Variants in RIC8B observed in about 807,000 individuals in gnomAD.
RIC8B encodes the protein chaperone Ric-8B.
In RIC8B, 16 loss-of-function variants were observed where a neutral mutation model predicts 57.5. The observed-to-expected ratio is 0.28, with a 90% CI of 0.19 to 0.42. The LOEUF is 0.42. RIC8B is among the 10% of genes least tolerant of loss of function. The pLI, the probability that RIC8B is intolerant of heterozygous loss-of-function variation, is 1.00. For missense variants in RIC8B, 481 were observed against 677.0 expected (o/e 0.71, Z 3.21); for synonymous variants, 216 against 250.8 (o/e 0.86, Z 1.31).
At chr12:106,795,671 G>T (rs2044447093) in intron 2 of RIC8B, among the ~76,000 whole-genome samples, 1 of 152,134 alleles carries the variant, frequency 6.6e-6, no homozygotes, top group Admixed American at 6.5e-5. Context: ...CCACCATCTT[G>T]AATATGATTG....
chr12:106,828,959 T>G (rs187641672), intron 4 of RIC8B, among the ~76,000 whole-genome samples: 1 of 152,032 alleles, frequency 6.6e-6, no homozygotes, highest in African/African-American at 2.4e-5. Context: ...AGGAGAAAAG[T>G]AGGTTAAAAA....
chr12:106,785,801 CTCTCTCTCTCTCTG>C (rs1383864015), intron 2 of RIC8B, among the ~76,000 whole-genome samples: 26 of 125,622 alleles, frequency 2.1e-4, no homozygotes, highest in Non-Finnish European at 3.8e-4. Flanking sequence ...CTCTCTCTCT[CTCTCTCTCTCTCTG>C]TGTGTGTGTG....
At chr12:106,836,482 T>A (rs1310600360) in intron 4 of RIC8B, among the ~76,000 whole-genome samples, 1 of 152,152 alleles carries the variant, frequency 6.6e-6, no homozygotes, top group Non-Finnish European at 1.5e-5. Flanking sequence ...CCTAAAAAGC[T>A]TCTTCTCTTG....
intron 2 of RIC8B, among the ~76,000 whole-genome samples, chr12:106,789,811 G>A (rs10861663): frequency 0.35 from 52,621 of 151,744 alleles, 9,170 homozygotes; most frequent in South Asian, 0.38. Context: ...CAACTACTTA[G>A]TAACAGCGGG....
chr12:106,783,992 C>G lies in RIC8B; in HGVS notation c.85-5C>G. 6.2e-7 allele frequency: 1 copy of G among 1,611,908 alleles called. No individual in the cohort carries two copies. The highest frequency in any genetic ancestry group is 8.5e-7 in the Non-Finnish European group (1 of 1,179,082). On this transcript the variant is annotated splice_region_variant and splice_polypyrimidine_tract_variant and intron_variant, in intron 1 of 9. Coordinates refer to ENST00000392837, the MANE Select transcript of RIC8B (RefSeq NM_001330145.2). ...ATGACATTGTTTCCCTTTTTTCCCC[C>G]TCAGCATAGGGCTACTTTCAAATTT...
chr12:106,819,552 G>A (rs1421594551), intron 3 of RIC8B, among the ~76,000 whole-genome samples: 2 of 152,076 alleles, frequency 1.3e-5, no homozygotes, highest in East Asian at 3.9e-4. Context: ...AGGAGTTTGA[G>A]ACCAGCCTGG....
At chr12:106,804,415 A>G (rs1204143420) in intron 2 of RIC8B, among the ~76,000 whole-genome samples, 4 of 152,056 alleles carry the variant, frequency 2.6e-5, no homozygotes, top group Admixed American at 6.5e-5. Context: ...GGGTTTCACC[A>G]TGTTGGCCAG....
At chr12:106,787,076 G>A (rs936190141) in intron 2 of RIC8B, among the ~76,000 whole-genome samples, 1 of 152,086 alleles carries the variant, frequency 6.6e-6, no homozygotes, top group Non-Finnish European at 1.5e-5. Flanking sequence ...TTCCAATAGG[G>A]TAGTAGAAAA....
At chr12:106,875,813 A>G (rs1157060027) in intron 9 of RIC8B, among the ~76,000 whole-genome samples, 1 of 152,074 alleles carries the variant, frequency 6.6e-6, no homozygotes, top group Non-Finnish European at 1.5e-5. Flanking sequence ...GTCATTGTGT[A>G]CTATTTGGAA....
At chr12:106,836,563 T>G (rs1566110912) in intron 4 of RIC8B, among the ~76,000 whole-genome samples, 1 of 152,234 alleles carries the variant, frequency 6.6e-6, no homozygotes, top group African/African-American at 2.4e-5. Context: ...TTAGATTCTC[T>G]CACACTCCAC....
At chr12:106,874,446 A>C (rs1566174610) in intron 9 of RIC8B, 1 of 1,489,608 alleles carries the variant, frequency 6.7e-7, no homozygotes, top group Non-Finnish European at 9.2e-7. Flanking sequence ...TGGCCAATGA[A>C]TGGACACTAG....
At chr12:106,869,367 A>G (rs1263508577) in intron 8 of RIC8B, among the ~76,000 whole-genome samples, 1 of 152,164 alleles carries the variant, frequency 6.6e-6, no homozygotes, top group East Asian at 1.9e-4. Context: ...AACTTGCCCA[A>G]CCGAAAGTCT....
At chr12:106,786,307 G>A (rs1168883003) in intron 2 of RIC8B, among the ~76,000 whole-genome samples, 6 of 151,804 alleles carry the variant, frequency 4.0e-5, no homozygotes, top group East Asian at 1.9e-4. Context: ...CCGCAACCAC[G>A]CCCAGCTAAT....
chr12:106,809,522 C>CAAAAAAAA (rs201411394), intron 2 of RIC8B, among the ~76,000 whole-genome samples: 2 of 105,548 alleles, frequency 1.9e-5, no homozygotes, highest in African/African-American at 3.5e-5. Flanking sequence ...ACTCTTGTCT[C>CAAAAAAAA]AAAAAAAAAA....
chr12:106,789,623 C>T (rs541832712), intron 2 of RIC8B, among the ~76,000 whole-genome samples: 114 of 152,190 alleles, frequency 7.5e-4, no homozygotes, highest in African/African-American at 2.6e-3. Context: ...TTCATTACCA[C>T]GAGAACAGTA....
chr12:106,871,055 A>G, intron 9 of RIC8B, 113 bp downstream of exon 9: 1 of 1,107,754 alleles, frequency 9.0e-7, no homozygotes, highest in Non-Finnish European at 1.3e-6. Flanking sequence ...GTTGATTGGA[A>G]TAGGGTGGCC....
In RIC8B at chr12:106,843,830, CAT is replaced by C. The variant is rs746465922; in HGVS notation, c.1066-19_1066-18del. ...AAACAAAACTAACGTATTTCAAAAA[CAT>C]ATGGTTTTTTTTTTTATAGGGAAGC... is the stretch of plus-strand genomic sequence containing the variant. On this transcript the variant is annotated intron_variant, in intron 5 of 9. Coordinates refer to ENST00000392837, the MANE Select transcript of RIC8B (RefSeq NM_001330145.2). 12 of 1,506,740 alleles carry C rather than the reference CAT, an allele frequency of 8.0e-6. No individual in the cohort carries two copies. The highest frequency in any genetic ancestry group is 2.3e-5 in the East Asian group (1 of 43,666). The allele number at this position is 1,506,740 out of a possible 1,614,324, so 93.3% of individuals were successfully genotyped here.
intron 2 of RIC8B, among the ~76,000 whole-genome samples, chr12:106,801,178 T>C (rs573440105): frequency 6.6e-6 from 1 of 152,266 alleles, no homozygotes; most frequent in Non-Finnish European, 1.5e-5. Context: ...TGAAGAGAAA[T>C]AGAAAGTTTT....
chr12:106,784,196 A>G, intron 2 of RIC8B, 152 bp downstream of exon 2: 1 of 715,394 alleles, frequency 1.4e-6, no homozygotes, highest in Non-Finnish European at 2.4e-6. Context: ...AAGAAAGGTT[A>G]GGTTAGGTTT....
Sources: gnomAD v4.1 joint callset for allele counts (sites outside exome capture counted in the v4.1 genomes callset) on GRCh38, gnomAD v4.1.1 for gene constraint, MANE v1.5 for transcripts, NCBI Gene and HGNC (gene_info 2026-07-23, HGNC 2026-07-21) for gene names.